PCLO: variants seen among roughly 807,000 people sequenced by gnomAD.
PCLO encodes the protein piccolo presynaptic cytomatrix protein.
A neutral mutation model predicts 427.5 loss-of-function variants in PCLO; 82 were observed. The ratio of observed to expected loss-of-function variants is 0.19; its 90% CI spans 0.16 to 0.23. PCLO has a LOEUF of 0.23. PCLO is among the 10% of genes least tolerant of loss of function. The pLI is 1.00. For missense variants in PCLO, 6,239 were observed against 6,115.9 expected (o/e 1.02, Z -0.67); for synonymous variants, 2,357 against 2,155.4 (o/e 1.09, Z -2.59).
In PCLO at chr7:82,830,310, C is replaced by G. The variant is rs191445680; in HGVS notation, c.14250-2344G>C. Among the ~76,000 whole-genome samples, 302 of 151,536 alleles carry G rather than the reference C, an allele frequency of 2.0e-3. 5 individuals carry two copies. Among genetic ancestry groups the G allele is most frequent in the African/African-American group, 6.9e-3 (285 of 41,388 alleles). On this transcript the variant is annotated intron_variant, in intron 16 of 24. Transcript: ENST00000333891. ...TCAAAAATTTTTAGTAAGATATGTT[C>G]CTTTAAATTTAGTTTTGGATTCTTT...
intron 22 of PCLO, among the ~76,000 whole-genome samples, chr7:82,782,183 G>T (rs992163980): frequency 2.0e-5 from 3 of 152,164 alleles, no homozygotes; most frequent in Non-Finnish European, 4.4e-5. Flanking sequence ...GCTCCAAGTA[G>T]ATAGTGCTGG....
At chr7:82,783,951 A>T (rs1237486886) in intron 22 of PCLO, among the ~76,000 whole-genome samples, 1 of 151,236 alleles carries the variant, frequency 6.6e-6, no homozygotes, top group Non-Finnish European at 1.5e-5. Flanking sequence ...GTATGTATAT[A>T]TAGACACATA....
chr7:83,070,791 G>A (rs1789795353), intron 3 of PCLO, among the ~76,000 whole-genome samples: 1 of 152,132 alleles, frequency 6.6e-6, no homozygotes, highest in Non-Finnish European at 1.5e-5. Context: ...ATGATGGAAT[G>A]AGACCAGAAA....
intron 3 of PCLO, among the ~76,000 whole-genome samples, chr7:83,083,486 G>C (rs1790155700): frequency 1.3e-5 from 2 of 151,834 alleles, no homozygotes; most frequent in Non-Finnish European, 2.9e-5. Flanking sequence ...GTAAGTTGAG[G>C]TTTTTCATAC....
intron 22 of PCLO, among the ~76,000 whole-genome samples, chr7:82,768,795 T>G (rs1207884942): frequency 2.0e-5 from 3 of 152,040 alleles, no homozygotes; most frequent in Non-Finnish European, 4.4e-5. Flanking sequence ...AGATAAAAAT[T>G]TTATATATAT....
At chr7:83,045,511 T>C (rs1789082998) in intron 3 of PCLO, among the ~76,000 whole-genome samples, 1 of 152,122 alleles carries the variant, frequency 6.6e-6, no homozygotes. Context: ...CATATATGCA[T>C]GGATCTTTCT....
chr7:82,935,194 TAAAAAA>T (rs528188502), intron 6 of PCLO, among the ~76,000 whole-genome samples: 2 of 84,216 alleles, frequency 2.4e-5, no homozygotes, highest in African/African-American at 4.5e-5. Flanking sequence ...CCTGGTATAC[TAAAAAA>T]AAAAAAAAAA....
At chr7:83,066,605 T>A (rs1789676120) in intron 3 of PCLO, among the ~76,000 whole-genome samples, 1 of 152,192 alleles carries the variant, frequency 6.6e-6, no homozygotes. Flanking sequence ...CCTTTTTGTA[T>A]GCGAGACCTA....
chr7:83,089,558 T>G (rs936547022), intron 3 of PCLO, among the ~76,000 whole-genome samples: 1 of 152,154 alleles, frequency 6.6e-6, no homozygotes, highest in African/African-American at 2.4e-5. Flanking sequence ...TAGGTAATGC[T>G]CCCTACTTAT....
In PCLO at chr7:82,952,434, C is replaced by T. The variant is rs1795378225; in HGVS notation, c.8519G>A (p.Ser2840Asn). ...KHAEPPYRIP[S>N]DQVFPIAREE... ...CCTAGCTATAGGAAAGACCTGGTCA[C>T]TTGGTATCCTGTATGGGGGCTCAGC... is the stretch of plus-strand genomic sequence containing the variant. The change falls in exon 5 of 25, where the codon AGT (serine) becomes AAT (asparagine). Residue 2840 changes from serine (S) to asparagine (N), a missense_variant. Ser to Asn is a conservative substitution (Grantham distance 46). Around this residue, in one of 5 missense-constraint regions of PCLO, gnomAD observed 4,677 missense variants for 4,468.4 expected, o/e 1.05. Transcript: ENST00000333891. 6.2e-7 allele frequency: 1 copy of T among 1,613,760 alleles called. No individual in the cohort carries two copies. The highest frequency in any genetic ancestry group is 1.7e-5 in the Admixed American group (1 of 59,988).
At chr7:82,962,651 T>C (rs1219914133) in intron 4 of PCLO, among the ~76,000 whole-genome samples, 1 of 151,944 alleles carries the variant, frequency 6.6e-6, no homozygotes, top group Non-Finnish European at 1.5e-5. Context: ...AGCCTCAATG[T>C]AGAGTGATTT....
intron 2 of PCLO, among the ~76,000 whole-genome samples, chr7:83,138,065 T>C (rs773371576): frequency 9.2e-5 from 14 of 152,308 alleles, no homozygotes; most frequent in African/African-American, 2.9e-4. Flanking sequence ...TTTTCTTCCA[T>C]AGTCTCACAT....
intron 3 of PCLO, among the ~76,000 whole-genome samples, chr7:83,070,095 C>G (rs1278361687): frequency 2.0e-5 from 3 of 152,056 alleles, no homozygotes; most frequent in Admixed American, 6.5e-5. Flanking sequence ...TGGGCTCACA[C>G]TCTCTCATGC....
chr7:82,792,462 G>A (rs1175882705), intron 22 of PCLO, among the ~76,000 whole-genome samples: 5 of 151,726 alleles, frequency 3.3e-5, no homozygotes, highest in Admixed American at 2.6e-4. Context: ...AAGTAGCTGG[G>A]ACCACAGGCA....
rs1794484457 is a variant in PCLO at position 82,917,008 on chromosome 7, T to C, written c.11113-135A>G. The C allele has an allele frequency of 8.8e-6, 5 of 567,628 alleles. No homozygotes were observed. In the South Asian group the frequency reaches 1.8e-4, roughly 20 times the overall value. The allele number at this position is 567,628 out of a possible 1,614,324, so 35.2% of individuals were successfully genotyped here. ...TCGCAGCATGATAAAATAAAATATA[T>C]GCATATAATTTCAAGTATTGGTCAC... is the stretch of plus-strand genomic sequence containing the variant. On this transcript the variant is annotated intron_variant, in intron 6 of 24. Transcript: ENST00000333891.
chr7:82,756,165 G>A lies in PCLO; in HGVS notation c.*2410C>T, dbSNP rs1190788147. On this transcript the variant is annotated 3_prime_UTR_variant, in exon 25 of 25. Transcript: ENST00000333891. Reference sequence around the variant, plus strand: ...AACTCTCATGCATACCTATGGATATGAGTGGCTGCAAAAGAGGATCAGAGA... The same window carrying A: ...AACTCTCATGCATACCTATGGATATAAGTGGCTGCAAAAGAGGATCAGAGA... The A allele has an allele frequency of 6.6e-6, 1 of 152,110 alleles. No homozygotes were observed. The allele number at this position is 152,110 out of a possible 1,614,324, so 9.4% of individuals were successfully genotyped here.
intron 24 of PCLO, 129 bp downstream of exon 24, chr7:82,760,510 G>A: frequency 3.7e-6 from 2 of 536,764 alleles, no homozygotes; most frequent in Non-Finnish European, 6.1e-6. Context: ...GGGAGATACT[G>A]CTGAAAATTA....
At chr7:82,910,732 T>C (rs1584138157) in intron 7 of PCLO, among the ~76,000 whole-genome samples, 1 of 152,188 alleles carries the variant, frequency 6.6e-6, no homozygotes, top group Non-Finnish European at 1.5e-5. Flanking sequence ...CTGATGCAGA[T>C]ATTTTTCACA....
At chr7:83,097,549 AAAATACATATAT>A (rs1790623282) in intron 3 of PCLO, among the ~76,000 whole-genome samples, 4 of 146,430 alleles carry the variant, frequency 2.7e-5, no homozygotes, top group African/African-American at 1.0e-4. Context: ...TATAATATAT[AAAATACATATAT>A]TATATATATA....
Sources: allele counts gnomAD v4.1 joint callset (sites outside exome capture counted in the v4.1 genomes callset), GRCh38; gene constraint gnomAD v4.1.1; regional missense constraint gnomAD v4.1.1; transcripts MANE v1.5; gene names NCBI Gene and HGNC (gene_info 2026-07-23, HGNC 2026-07-21).